The following KCNE1 variants were observed in gnomAD, a reference collection of about 807,000 sequenced individuals.
The protein encoded by KCNE1 is potassium voltage-gated channel subfamily E regulatory subunit 1.
A neutral mutation model predicts 2.9 loss-of-function variants in KCNE1; 1 was observed. That is an observed-to-expected ratio of 0.34 (90% CI 0.12 to 1.62). The LOEUF is 1.62. Ranked by LOEUF, KCNE1 falls within the 40% of genes most tolerant of loss-of-function variation. The pLI is 0.36. For missense variants in KCNE1, 45 were observed against 150.5 expected (o/e 0.30, Z 3.67); for synonymous variants, 23 against 65.4 (o/e 0.35, Z 3.13).
intron 2 of KCNE1, among the ~76,000 whole-genome samples, chr21:34,502,615 C>T (rs567433419): frequency 6.6e-6 from 1 of 152,344 alleles, no homozygotes; most frequent in African/African-American, 2.4e-5. Flanking sequence ...GAGAGCCTAT[C>T]TCCAGCACCT....
At chr21:34,496,686 G>C (rs1445493711) in intron 2 of KCNE1, among the ~76,000 whole-genome samples, 8 of 152,108 alleles carry the variant, frequency 5.3e-5, no homozygotes. Flanking sequence ...ATTTGTTCTA[G>C]GGTATAGTTT....
chr21:34,496,935 T>C (rs1199987812), intron 2 of KCNE1, among the ~76,000 whole-genome samples: 1 of 152,150 alleles, frequency 6.6e-6, no homozygotes, highest in Non-Finnish European at 1.5e-5. Context: ...TCTTTTTAAA[T>C]TGTTGTTGTG....
intron 2 of KCNE1, among the ~76,000 whole-genome samples, chr21:34,508,019 G>C (rs531194821): frequency 6.6e-6 from 1 of 151,968 alleles, no homozygotes; most frequent in Admixed American, 6.6e-5. Flanking sequence ...AAGATGGTTT[G>C]TTGCTGTTGG....
intron 2 of KCNE1, among the ~76,000 whole-genome samples, chr21:34,496,853 G>A (rs1287857619): frequency 2.6e-5 from 4 of 152,146 alleles, no homozygotes; most frequent in Non-Finnish European, 5.9e-5. Context: ...AGTGTTGGGT[G>A]CATATATATT....
At position 34,452,824 on chromosome 21, in the gene KCNE1, C is replaced by T. The variant is rs367846012; in HGVS notation, c.-50-3140G>A. Among the ~76,000 whole-genome samples the T allele has an allele frequency of 6.4e-5, 4 of 62,466 alleles. 2 individuals carry two copies. Among genetic ancestry groups the T allele is most frequent in the African/African-American group, 3.1e-4 (4 of 12,966 alleles). 41.0% of individuals were successfully genotyped at this position (62,466 alleles called of 152,430 possible). A position where few individuals can be genotyped will look rare whatever the true frequency, so the allele number is the denominator to read the frequency against. ...ATCACTGAGCAGGTGTGTAGAGTGG[C>T]TGACAGCATGTGGCACATGGCAGGT... On this transcript the variant is annotated intron_variant, in intron 3 of 3. Coordinates refer to ENST00000399286, the MANE Select transcript of KCNE1 (RefSeq NM_000219.6).
intron 2 of KCNE1, among the ~76,000 whole-genome samples, chr21:34,496,411 G>A (rs1982811372): frequency 6.6e-6 from 1 of 152,124 alleles, no homozygotes; most frequent in Non-Finnish European, 1.5e-5. Context: ...TTGATTTCAT[G>A]GTTGACCCAA....
In KCNE1 at chr21:34,449,353, A is replaced by G. The variant is rs2123457299; in HGVS notation, c.282T>C (p.Tyr94=). The change falls in exon 4 of 4, where the codon TAT becomes TAC. Residue 94 remains tyrosine, a synonymous_variant. Transcript: ENST00000399286. Reference sequence around the variant, plus strand: ...AGCTCTCCAGGACCCGGGCCTGGACATAGGCCTTGTCCTTCTCTTGCCAGG... The same window carrying G: ...AGCTCTCCAGGACCCGGGCCTGGACGTAGGCCTTGTCCTTCTCTTGCCAGG... ...SDAWQEKDKA[Y]VQARVLESYR... The G allele has an allele frequency of 6.3e-7, 1 of 1,596,844 alleles. No homozygotes were observed. Among genetic ancestry groups the G allele is most frequent in the Non-Finnish European group, 8.6e-7 (1 of 1,169,010 alleles).
chr21:34,510,150 T>C (rs747971033), intron 2 of KCNE1: 1 of 152,388 alleles, frequency 6.6e-6, no homozygotes, highest in East Asian at 1.9e-4. Flanking sequence ...CACGCGGAAG[T>C]GGCAGTGCTG....
intron 2 of KCNE1, among the ~76,000 whole-genome samples, chr21:34,506,972 C>T (rs1396589030): frequency 2.0e-5 from 3 of 152,206 alleles, no homozygotes; most frequent in Admixed American, 1.3e-4. Context: ...GTAGGGGACG[C>T]ATGGCACACC....
At chr21:34,506,919 A>T (rs1337573860) in intron 2 of KCNE1, among the ~76,000 whole-genome samples, 1 of 152,206 alleles carries the variant, frequency 6.6e-6, no homozygotes, top group African/African-American at 2.4e-5. Flanking sequence ...AATGATTTGA[A>T]GCTGGAAAGT....
rs115125472 is a variant in KCNE1 at position 34,450,130 on chromosome 21, C to T, written c.-50-446G>A. On this transcript the variant is annotated intron_variant, in intron 3 of 3. Coordinates refer to ENST00000399286, the MANE Select transcript of KCNE1 (RefSeq NM_000219.6). ...TTTGTATACAACCCATGGTGAACAC[C>T]CACTTCTTTTCTCTGCCTTCTCCCC... 6.1e-3 allele frequency among the ~76,000 whole-genome samples: 514 copies of T among 84,872 alleles called. 13 individuals carry two copies. The highest frequency in any genetic ancestry group is 0.021 in the African/African-American group (485 of 23,426). 55.7% of individuals were successfully genotyped at this position (84,872 alleles called of 152,430 possible). A position where few individuals can be genotyped will look rare whatever the true frequency, so the allele number is the denominator to read the frequency against.
intron 2 of KCNE1, among the ~76,000 whole-genome samples, chr21:34,495,510 C>G (rs146456953): frequency 0.063 from 4,473 of 71,294 alleles, 184 homozygotes; most frequent in African/African-American, 0.097. Context: ...TGGTCCTGGA[C>G]TTTTTTTTTT....
At chr21:34,496,294 T>G (rs200074472) in intron 2 of KCNE1, among the ~76,000 whole-genome samples, 27 of 152,076 alleles carry the variant, frequency 1.8e-4, no homozygotes, top group Non-Finnish European at 3.5e-4. Context: ...AGGATGGTCT[T>G]GATCTCCTGA....
intron 2 of KCNE1, 47 bp downstream of exon 2, chr21:34,511,054 G>A: frequency 1.3e-6 from 1 of 745,036 alleles, no homozygotes. Flanking sequence ...GGTGGGAGCA[G>A]AGGGTGCCTA....
At chr21:34,505,452 T>C (rs1159151404) in intron 2 of KCNE1, among the ~76,000 whole-genome samples, 1 of 152,098 alleles carries the variant, frequency 6.6e-6, no homozygotes, top group African/African-American at 2.4e-5. Flanking sequence ...TCACCTTTTT[T>C]TTTTTGGAAA....
chr21:34,510,186 C>T (rs117239764), intron 2 of KCNE1: 1 of 152,654 alleles, frequency 6.6e-6, no homozygotes, highest in Non-Finnish European at 1.5e-5. Flanking sequence ...CTCTGCTCAC[C>T]ACAACTCCAA....
At chr21:34,498,656 T>C (rs1421503629) in intron 2 of KCNE1, among the ~76,000 whole-genome samples, 1 of 152,256 alleles carries the variant, frequency 6.6e-6, no homozygotes, top group Non-Finnish European at 1.5e-5. Context: ...ATATCTTTAG[T>C]GTGACGGCTT....
At position 34,452,861 on chromosome 21, in the gene KCNE1, G is replaced by A. The variant is rs1198438392; in HGVS notation, c.-50-3177C>T. ...GGCACATGGCAGGTGCACACTCAGT[G>A]GTCCTGGGTAGGAGTTTATTGGTTT... On this transcript the variant is annotated intron_variant, in intron 3 of 3. Transcript: ENST00000399286. 3.3e-5 allele frequency among the ~76,000 whole-genome samples: 2 copies of A among 61,142 alleles called. 1 individual carries two copies. Among genetic ancestry groups the A allele is most frequent in the Admixed American group, 3.7e-4 (2 of 5,478 alleles). The allele number at this position is 61,142 out of a possible 152,430, so 40.1% of individuals were successfully genotyped here.
chr21:34,501,703 A>G (rs1252582166), intron 2 of KCNE1, among the ~76,000 whole-genome samples: 2 of 152,092 alleles, frequency 1.3e-5, no homozygotes, highest in African/African-American at 4.8e-5. Flanking sequence ...TTGATAGACA[A>G]AACAAAGCTC....
Sources: allele counts gnomAD v4.1 joint callset (sites outside exome capture counted in the v4.1 genomes callset), GRCh38; gene constraint gnomAD v4.1.1; transcripts MANE v1.5; gene names NCBI Gene and HGNC (gene_info 2026-07-23, HGNC 2026-07-21).